The following SYT1 variants were observed in gnomAD, a reference collection of about 807,000 sequenced individuals.
SYT1 encodes the protein synaptotagmin-1.
Under a neutral mutation model 44.8 loss-of-function variants are expected in SYT1, and 8 were observed. The observed-to-expected ratio is 0.18, with a 90% CI of 0.10 to 0.32. The LOEUF (loss-of-function observed/expected upper bound fraction) is 0.32, where lower values mean the gene tolerates loss of function less well. Among genes scored for constraint, SYT1 ranks in the 10% least tolerant of loss-of-function variants. SYT1 has a pLI of 1.00. For missense variants in SYT1, 286 were observed against 509.3 expected, an observed-to-expected ratio of 0.56 and a Z score of 4.22; for synonymous variants, 154 against 188.8, an observed-to-expected ratio of 0.82 and a Z score of 1.51.
chr12:79,236,660 A>T (rs1036016786), intron 4 of SYT1, among the ~76,000 whole-genome samples: 1 of 152,208 alleles, frequency 6.6e-6, no homozygotes, highest in Non-Finnish European at 1.5e-5. Context: ...CCATTCCTAC[A>T]TAGTGCCAAC....
intron 9 of SYT1, among the ~76,000 whole-genome samples, chr12:79,388,079 AAT>A (rs1162763827): frequency 6.6e-6 from 1 of 152,224 alleles, no homozygotes; most frequent in African/African-American, 2.4e-5. Flanking sequence ...ATAAACACTT[AAT>A]AAATGTCATT....
intron 9 of SYT1, among the ~76,000 whole-genome samples, chr12:79,378,221 C>T (rs1884079274): frequency 1.3e-5 from 2 of 152,190 alleles, no homozygotes; most frequent in South Asian, 4.1e-4. Context: ...GTCTTGATTC[C>T]TTTATGCAAT....
intron 9 of SYT1, among the ~76,000 whole-genome samples, chr12:79,383,274 G>T (rs891426174): frequency 1.3e-5 from 2 of 152,144 alleles, no homozygotes; most frequent in Admixed American, 1.3e-4. Flanking sequence ...ACTGAATATT[G>T]TAAGCAGTGG....
rs538571089 is a variant in SYT1, at chr12:79,356,107, G to A, written c.928+2488G>A. 2.6e-5 allele frequency among the ~76,000 whole-genome samples: 4 copies of A among 151,374 alleles called. No homozygotes were observed. The East Asian group carries it at 6.0e-4, about 23-fold the overall frequency. On this transcript the variant is annotated intron_variant, in intron 9 of 10. Coordinates refer to ENST00000261205, the MANE Select transcript of SYT1 (RefSeq NM_005639.3). ...TGGAAGAAGTGATGAATTGAGCCAC[G>A]GCGCGTCTGGGAGAGAGAACAACCA...
At chr12:79,269,045 A>C (rs1878277948) in intron 4 of SYT1, among the ~76,000 whole-genome samples, 1 of 151,632 alleles carries the variant, frequency 6.6e-6, no homozygotes, top group African/African-American at 2.4e-5. Flanking sequence ...TAGCTCCTCC[A>C]TGAAGTCGTT....
At chr12:79,059,352 TGTAAAA>T (rs1875204448) in intron 3 of SYT1, among the ~76,000 whole-genome samples, 1 of 152,226 alleles carries the variant, frequency 6.6e-6, no homozygotes, top group Non-Finnish European at 1.5e-5. Context: ...TTTTCTAAAA[TGTAAAA>T]GTAAATGTAA....
chr12:79,258,519 CTT>C (rs1877656643), intron 4 of SYT1, among the ~76,000 whole-genome samples: 1 of 152,268 alleles, frequency 6.6e-6, no homozygotes, highest in Non-Finnish European at 1.5e-5. Context: ...GTTTACTACT[CTT>C]TTGTGGCTTT....
chr12:79,172,966 T>A (rs1174797246), intron 3 of SYT1, among the ~76,000 whole-genome samples: 1 of 43,666 alleles, frequency 2.3e-5, no homozygotes, highest in Non-Finnish European at 3.9e-5. Context: ...GAGTTCCTGC[T>A]CTCAAAAAAA....
At chr12:79,435,612 T>G (rs1565956883) in intron 9 of SYT1, among the ~76,000 whole-genome samples, 1 of 152,166 alleles carries the variant, frequency 6.6e-6, no homozygotes, top group Non-Finnish European at 1.5e-5. Context: ...GCTAGGGTAT[T>G]GTCTTCATGT....
At chr12:79,047,742 A>G (rs886579313) in intron 3 of SYT1, among the ~76,000 whole-genome samples, 1 of 151,940 alleles carries the variant, frequency 6.6e-6, no homozygotes, top group Non-Finnish European at 1.5e-5. Flanking sequence ...AATTTTAAAT[A>G]CTATTGATGT....
At chr12:79,008,243 G>T (rs1199889578) in intron 2 of SYT1, among the ~76,000 whole-genome samples, 3 of 151,960 alleles carry the variant, frequency 2.0e-5, no homozygotes, top group East Asian at 3.9e-4. Flanking sequence ...AGAGGATTCA[G>T]CATGTGCAAA....
chr12:79,003,919 C>T (rs1870907929), intron 2 of SYT1, among the ~76,000 whole-genome samples: 4 of 151,912 alleles, frequency 2.6e-5, no homozygotes, highest in Non-Finnish European at 5.9e-5. Context: ...TTGCCAGCAT[C>T]TTGAAAAGTA....
chr12:79,378,027 A>T (rs1027121769), intron 9 of SYT1, among the ~76,000 whole-genome samples: 1 of 152,238 alleles, frequency 6.6e-6, no homozygotes, highest in Non-Finnish European at 1.5e-5. Context: ...AAAAGGTGTT[A>T]GCTAGAGTGT....
intron 2 of SYT1, among the ~76,000 whole-genome samples, chr12:79,014,122 CAA>C (rs1358787041): frequency 0.11 from 4,327 of 39,160 alleles, 40 homozygotes; most frequent in East Asian, 0.26. Flanking sequence ...AGACTCTCTC[CAA>C]AAAAAAAAAA....
chr12:79,374,194 T>G (rs1883902647), intron 9 of SYT1, among the ~76,000 whole-genome samples: 1 of 152,168 alleles, frequency 6.6e-6, no homozygotes, highest in African/African-American at 2.4e-5. Flanking sequence ...CAATCCTTTA[T>G]TTTTAGAAGA....
At chr12:78,881,072 A>T (rs1874427928) in intron 1 of SYT1, among the ~76,000 whole-genome samples, 1 of 151,680 alleles carries the variant, frequency 6.6e-6, no homozygotes, top group Non-Finnish European at 1.5e-5. Context: ...AAATGTGATC[A>T]GATTATTCTT....
chr12:79,230,625 G>C (rs1314490366), intron 4 of SYT1, among the ~76,000 whole-genome samples: 2 of 152,146 alleles, frequency 1.3e-5, no homozygotes, highest in Admixed American at 1.3e-4. Context: ...GCTAACAAAA[G>C]TACATTCTAC....
intron 3 of SYT1, among the ~76,000 whole-genome samples, chr12:79,165,388 C>A (rs1592809315): frequency 6.6e-6 from 1 of 151,886 alleles, no homozygotes; most frequent in African/African-American, 2.4e-5. Context: ...TAGGCACCAT[C>A]CCAAATCAGA....
At chr12:79,015,632 T>C (rs1364736130) in intron 2 of SYT1, among the ~76,000 whole-genome samples, 1 of 152,128 alleles carries the variant, frequency 6.6e-6, no homozygotes, top group East Asian at 1.9e-4. Flanking sequence ...TGGACCGAAG[T>C]AAATATAATC....
Sources: gnomAD v4.1 joint callset for allele counts (sites outside exome capture counted in the v4.1 genomes callset) on GRCh38, gnomAD v4.1.1 for gene constraint, MANE v1.5 for transcripts, NCBI Gene and HGNC (gene_info 2026-07-23, HGNC 2026-07-21) for gene names.